The following NOX4 variants were observed in gnomAD, a reference collection of about 807,000 sequenced individuals.
NOX4 encodes kidney oxidase-1.
Under a neutral mutation model 87.6 loss-of-function variants are expected in NOX4, and 69 were observed. That is an observed-to-expected ratio of 0.79 (90% CI 0.65 to 0.96). NOX4 has a LOEUF of 0.96. Ranked by LOEUF, NOX4 falls within the 40% of genes least tolerant of loss-of-function variation. NOX4 has a pLI of 0.00. For synonymous variants in NOX4, 275 were observed against 238.2 expected, an observed-to-expected ratio of 1.15 and a Z score of -1.42; for missense variants, 680 against 681.5, an observed-to-expected ratio of 1.00 and a Z score of 0.02.
chr11:89,557,864 G>T, the NOX4 span, among the ~76,000 whole-genome samples: 98 of 152,202 alleles, frequency 6.4e-4, 1 homozygote, highest in African/African-American at 2.3e-3. Context: ...AATTAAAGTT[G>T]AACTAACTTG....
rs561785361 is a variant in NOX4, at chr11:89,420,907, A to C, written c.629+995T>G. Among the ~76,000 whole-genome samples the C allele has an allele frequency of 3.3e-5, 5 of 152,260 alleles. No homozygotes were observed. In the South Asian group the frequency reaches 6.2e-4, roughly 19 times the overall value. On this transcript the variant is annotated intron_variant, in intron 8 of 17. Coordinates refer to ENST00000263317, the MANE Select transcript of NOX4 (RefSeq NM_016931.5). ...CACAGACCTCAGCCTCCTTGTGTAC[A>C]GTGTGTTCTTGATCCCAAGGGCATC... is the stretch of plus-strand genomic sequence containing the variant.
At chr11:89,551,915 A>G in the NOX4 span, among the ~76,000 whole-genome samples, 1 of 152,064 alleles carries the variant, frequency 6.6e-6, no homozygotes, top group Non-Finnish European at 1.5e-5. Context: ...TCAGTATGAT[A>G]TTGGCTGTGG....
the NOX4 span, among the ~76,000 whole-genome samples, chr11:89,511,464 T>C: frequency 6.6e-6 from 1 of 151,950 alleles, no homozygotes; most frequent in African/African-American, 2.4e-5. Flanking sequence ...GATTAACATC[T>C]TTAGATTCCA....
chr11:89,575,752 C>T, the NOX4 span, among the ~76,000 whole-genome samples: 4 of 151,828 alleles, frequency 2.6e-5, no homozygotes, highest in South Asian at 8.4e-4. Context: ...TCTCTTCCTC[C>T]TTCTTCTTTC....
chr11:89,556,556 G>A, the NOX4 span, among the ~76,000 whole-genome samples: 1 of 151,550 alleles, frequency 6.6e-6, no homozygotes, highest in Non-Finnish European at 1.5e-5. Flanking sequence ...GAGGGGAGGG[G>A]GAAACCTACA....
At chr11:89,348,956 C>A (rs1052232265) in intron 13 of NOX4, among the ~76,000 whole-genome samples, 5 of 152,190 alleles carry the variant, frequency 3.3e-5, no homozygotes, top group Admixed American at 6.5e-5. Context: ...AGCACAATTC[C>A]TGGATGTGTA....
chr11:89,484,287 CT>C (rs1026920057), intron 2 of NOX4, among the ~76,000 whole-genome samples: 4 of 152,022 alleles, frequency 2.6e-5, no homozygotes, highest in African/African-American at 9.7e-5. Flanking sequence ...CCTTAGAATT[CT>C]GAAAAGTATT....
intron 15 of NOX4, among the ~76,000 whole-genome samples, chr11:89,338,575 C>T (rs559324411): frequency 1.3e-5 from 2 of 152,140 alleles, no homozygotes; most frequent in South Asian, 4.2e-4. Context: ...CGTAATCCAC[C>T]TCTTCCCAGA....
rs1213998109 is a variant in NOX4, at chr11:89,326,539, T to C, written c.*217A>G. ...AATTTGAGAACTGAAAAGTGAATCATCACATCAAATATTCTTCAGGGTCTC... is the reference window on the plus strand; with the variant it reads ...AATTTGAGAACTGAAAAGTGAATCACCACATCAAATATTCTTCAGGGTCTC... On this transcript the variant is annotated 3_prime_UTR_variant, in exon 18 of 18. Transcript: ENST00000263317. 5.3e-6 allele frequency: 2 copies of C among 376,206 alleles called. No homozygotes were observed. Among genetic ancestry groups the C allele is most frequent in the Non-Finnish European group, 4.8e-6 (1 of 209,694 alleles). 23.3% of individuals were successfully genotyped at this position (376,206 alleles called of 1,614,324 possible).
the NOX4 span, among the ~76,000 whole-genome samples, chr11:89,575,202 T>C: frequency 6.6e-6 from 1 of 152,048 alleles, no homozygotes. Flanking sequence ...AAAAAGATAT[T>C]GCTTGTAAAA....
the NOX4 span, among the ~76,000 whole-genome samples, chr11:89,544,060 A>G: frequency 6.6e-6 from 1 of 152,038 alleles, no homozygotes; most frequent in Non-Finnish European, 1.5e-5. Context: ...AATAGAAGCC[A>G]TTTTTCTAAT....
At chr11:89,517,216 C>A in the NOX4 span, among the ~76,000 whole-genome samples, 1 of 151,886 alleles carries the variant, frequency 6.6e-6, no homozygotes, top group Admixed American at 6.6e-5. Context: ...TAACAAGGAC[C>A]TTTTTCTAAA....
chr11:89,374,368 C>T (rs1227886675), intron 11 of NOX4, among the ~76,000 whole-genome samples: 2 of 151,960 alleles, frequency 1.3e-5, no homozygotes, highest in African/African-American at 2.4e-5. Context: ...ATATTAAGTA[C>T]GATATGAAAT....
intron 13 of NOX4, 45 bp downstream of exon 13, chr11:89,354,917 T>C (rs1937893866): frequency 7.8e-7 from 1 of 1,279,094 alleles, no homozygotes; most frequent in Admixed American, 1.8e-5. Context: ...CTCCCAGCAC[T>C]ATGCCCATTG....
At chr11:89,342,971 T>C (rs1224644516) in intron 13 of NOX4, among the ~76,000 whole-genome samples, 1 of 152,192 alleles carries the variant, frequency 6.6e-6, no homozygotes, top group African/African-American at 2.4e-5. Context: ...GCCAAAATAC[T>C]ACATTTCTCA....
chr11:89,373,086 T>A (rs1480815624), intron 12 of NOX4, among the ~76,000 whole-genome samples: 1 of 151,778 alleles, frequency 6.6e-6, no homozygotes, highest in African/African-American at 2.4e-5. Flanking sequence ...GTGTTGATTA[T>A]TTTGACTCAT....
At chr11:89,415,695 C>A (rs1198183155) in intron 8 of NOX4, among the ~76,000 whole-genome samples, 1 of 152,034 alleles carries the variant, frequency 6.6e-6, no homozygotes, top group African/African-American at 2.4e-5. Flanking sequence ...ATGTTAAAAA[C>A]CCCTATCCTA....
chr11:89,502,133 AG>A (rs905188840), upstream of NOX4, among the ~76,000 whole-genome samples: 17 of 152,050 alleles, frequency 1.1e-4, 1 homozygote, highest in Admixed American at 9.8e-4. Context: ...AGAGGATTTG[AG>A]TGTATTTATG....
intron 2 of NOX4, among the ~76,000 whole-genome samples, chr11:89,481,492 C>T (rs1946389741): frequency 6.6e-6 from 1 of 151,964 alleles, no homozygotes; most frequent in South Asian, 2.1e-4. Flanking sequence ...AGGGTTTACA[C>T]CTAGGCTGAG....
Sources: allele counts gnomAD v4.1 joint callset (sites outside exome capture counted in the v4.1 genomes callset), GRCh38; gene constraint gnomAD v4.1.1; transcripts MANE v1.5; gene names NCBI Gene and HGNC (gene_info 2026-07-23, HGNC 2026-07-21).